The following ARHGAP15 variants were observed in gnomAD, a reference collection of about 807,000 sequenced individuals.
The protein encoded by ARHGAP15 is rho GTPase-activating protein 15.
In ARHGAP15, 51 loss-of-function variants were observed where a neutral mutation model predicts 63.7. That is an observed-to-expected ratio of 0.80 (90% CI 0.64 to 1.01). The LOEUF (loss-of-function observed/expected upper bound fraction) is 1.01. ARHGAP15 is among the 50% of genes least tolerant of loss of function. ARHGAP15 has a pLI of 0.00. For synonymous variants in ARHGAP15, 191 were observed against 193.8 expected (o/e 0.99, Z 0.12); for missense variants, 560 against 564.6 (o/e 0.99, Z 0.08).
intron 10 of ARHGAP15, among the ~76,000 whole-genome samples, chr2:143,542,830 C>T (rs1328546684): frequency 1.7e-5 from 2 of 115,912 alleles, no homozygotes; most frequent in South Asian, 2.7e-4. Context: ...TATAATATCA[C>T]ATATATAGTA....
At chr2:143,276,371 G>A (rs1681549559) in intron 6 of ARHGAP15, among the ~76,000 whole-genome samples, 1 of 152,182 alleles carries the variant, frequency 6.6e-6, no homozygotes, top group South Asian at 2.1e-4. Context: ...AGAGGGATTA[G>A]TTACTTTCCC....
chr2:143,331,357 G>A (rs940627894), intron 6 of ARHGAP15, among the ~76,000 whole-genome samples: 1 of 152,036 alleles, frequency 6.6e-6, no homozygotes, highest in South Asian at 2.1e-4. Flanking sequence ...GGTCAATAGT[G>A]TACCATAGAC....
rs545809980 is a variant in ARHGAP15 at position 143,410,861 on chromosome 2, G to A, written c.475-24740G>A. On this transcript the variant is annotated intron_variant, in intron 6 of 13. Coordinates refer to ENST00000295095, the MANE Select transcript of ARHGAP15 (RefSeq NM_018460.4). ...TATAGTTAGGTTTTGTTGATGACAG[G>A]GATTTATATGATCATGATAGCTTCA... 5.3e-5 allele frequency among the ~76,000 whole-genome samples: 8 copies of A among 151,134 alleles called. No homozygotes were observed. The South Asian group carries it at 1.7e-3, about 32-fold the overall frequency.
intron 6 of ARHGAP15, among the ~76,000 whole-genome samples, chr2:143,395,802 G>A (rs1221147812): frequency 2.0e-5 from 3 of 152,022 alleles, no homozygotes; most frequent in Admixed American, 1.3e-4. Context: ...AAAGGCATAA[G>A]GCCTGTGAGG....
At chr2:143,738,560 A>G (rs1277725932) in intron 13 of ARHGAP15, among the ~76,000 whole-genome samples, 1 of 152,172 alleles carries the variant, frequency 6.6e-6, no homozygotes, top group Non-Finnish European at 1.5e-5. Flanking sequence ...ACTGATCATC[A>G]TTATTTATGT....
At chr2:143,540,046 T>C (rs1199224309) in intron 10 of ARHGAP15, among the ~76,000 whole-genome samples, 1 of 152,186 alleles carries the variant, frequency 6.6e-6, no homozygotes, top group African/African-American at 2.4e-5. Context: ...AGGACTTGCT[T>C]TATGAATCTG....
intron 9 of ARHGAP15, among the ~76,000 whole-genome samples, chr2:143,498,268 A>G (rs1004608640): frequency 6.6e-6 from 1 of 152,192 alleles, no homozygotes; most frequent in African/African-American, 2.4e-5. Context: ...AACGAAAATT[A>G]ACTGGGCCTC....
At chr2:143,237,743 T>G (rs1239408093) in intron 5 of ARHGAP15, 2 of 152,212 alleles carry the variant, frequency 1.3e-5, no homozygotes, top group Admixed American at 6.5e-5. Context: ...TTAGTGTCAC[T>G]TTTGATATAA....
intron 6 of ARHGAP15, among the ~76,000 whole-genome samples, chr2:143,396,653 T>C (rs1039883386): frequency 6.6e-6 from 1 of 151,964 alleles, no homozygotes; most frequent in African/African-American, 2.4e-5. Context: ...TATCTCCAGC[T>C]TCCTGAATGG....
intron 2 of ARHGAP15, among the ~76,000 whole-genome samples, chr2:143,192,036 A>G (rs1344191364): frequency 1.3e-5 from 2 of 152,252 alleles, no homozygotes; most frequent in Admixed American, 6.5e-5. Flanking sequence ...AAGGTGTCCA[A>G]AGAAGTCTGT....
At chr2:143,436,851 A>G (rs1689634041) in intron 7 of ARHGAP15, 62 bp from the exon 8 acceptor site, 2 of 1,564,958 alleles carry the variant, frequency 1.3e-6, no homozygotes, top group Non-Finnish European at 1.7e-6. Context: ...TGAACACAAA[A>G]TTCTATGGTG....
At chr2:143,638,201 C>T (rs534092580) in intron 12 of ARHGAP15, among the ~76,000 whole-genome samples, 865 of 144,574 alleles carry the variant, frequency 6.0e-3, no homozygotes, top group Middle Eastern at 0.031. Flanking sequence ...CACATGCACA[C>T]GTATGTTTAT....
intron 6 of ARHGAP15, among the ~76,000 whole-genome samples, chr2:143,268,561 C>T (rs1469094995): frequency 3.3e-5 from 5 of 151,922 alleles, no homozygotes; most frequent in Non-Finnish European, 5.9e-5. Context: ...ATAGGAAAGT[C>T]AAGGAAAAAC....
chr2:143,174,730 A>G (rs148487117), intron 2 of ARHGAP15, among the ~76,000 whole-genome samples: 2 of 152,272 alleles, frequency 1.3e-5, no homozygotes, highest in African/African-American at 4.8e-5. Context: ...GAATTGGTAC[A>G]GATTAATCAG....
intron 6 of ARHGAP15, among the ~76,000 whole-genome samples, chr2:143,332,643 G>A (rs62170423): frequency 0.13 from 19,266 of 152,078 alleles, 1,584 homozygotes; most frequent in Non-Finnish European, 0.16. Context: ...ATTCATGAAA[G>A]TGTTTTTCAT....
chr2:143,413,964 T>TGCGCGCGCGCGC (rs1263567075), intron 6 of ARHGAP15, among the ~76,000 whole-genome samples: 15 of 67,028 alleles, frequency 2.2e-4, no homozygotes, highest in African/African-American at 7.7e-4. Context: ...TGTGTGTGTG[T>TGCGCGCGCGCGC]GTGCGCGCTC....
At chr2:143,605,731 C>T in intron 11 of ARHGAP15, among the ~76,000 whole-genome samples, 1 of 151,394 alleles carries the variant, frequency 6.6e-6, no homozygotes. Flanking sequence ...AAAGCATTCA[C>T]CTCCAGGCAT....
At chr2:143,361,913 T>A (rs1301898855) in intron 6 of ARHGAP15, among the ~76,000 whole-genome samples, 2 of 152,168 alleles carry the variant, frequency 1.3e-5, no homozygotes, top group Non-Finnish European at 2.9e-5. Context: ...GAAAAACAGT[T>A]CAAACTCTTT....
At chr2:143,369,594 T>A (rs745556455) in intron 6 of ARHGAP15, among the ~76,000 whole-genome samples, 1 of 152,122 alleles carries the variant, frequency 6.6e-6, no homozygotes, top group Non-Finnish European at 1.5e-5. Flanking sequence ...AACTTTCTTA[T>A]CCAAACTTCC....
Sources: allele counts gnomAD v4.1 joint callset (sites outside exome capture counted in the v4.1 genomes callset), GRCh38; gene constraint gnomAD v4.1.1; transcripts MANE v1.5; gene names NCBI Gene and HGNC (gene_info 2026-07-23, HGNC 2026-07-21).